Variants in ZEB1 observed in about 807,000 individuals in gnomAD.
ZEB1 encodes zinc finger E-box-binding homeobox 1.
ZEB1 carries 21 observed loss-of-function variants against 84.9 expected under a neutral mutation model. That is an observed-to-expected ratio of 0.25 (90% CI 0.18 to 0.36). ZEB1 has a LOEUF of 0.36. Ranked by LOEUF, ZEB1 falls within the 10% of genes least tolerant of loss-of-function variation. The pLI is 1.00. For missense variants in ZEB1, 1,104 were observed against 1,330.2 expected, an observed-to-expected ratio of 0.83 and a Z score of 2.65; for synonymous variants, 420 against 471.1, an observed-to-expected ratio of 0.89 and a Z score of 1.41.
chr10:31,385,151 T>A (rs985993393), intron 1 of ZEB1, among the ~76,000 whole-genome samples: 1 of 152,232 alleles, frequency 6.6e-6, no homozygotes, highest in African/African-American at 2.4e-5. Flanking sequence ...TGGAAAGGTT[T>A]TTATTGCCTG....
rs1174177311 is a variant in ZEB1, at chr10:31,493,965, A to T, written c.260-1811A>T. Among the ~76,000 whole-genome samples, 3 of 152,056 alleles carry T rather than the reference A, an allele frequency of 2.0e-5. No homozygotes were observed. The East Asian group carries it at 5.8e-4, about 29-fold the overall frequency. On this transcript the variant is annotated intron_variant, in intron 2 of 8. Coordinates refer to ENST00000424869, the MANE Select transcript of ZEB1 (RefSeq NM_001174096.2). ...TCAAATTGCAGTTCCTAAAATAGTTATAAGTAGAAAAATTAGCAGTGTCCA... is the reference window on the plus strand; with the variant it reads ...TCAAATTGCAGTTCCTAAAATAGTTTTAAGTAGAAAAATTAGCAGTGTCCA...
intron 1 of ZEB1, among the ~76,000 whole-genome samples, chr10:31,410,489 G>A (rs778844576): frequency 4.1e-4 from 63 of 152,176 alleles, no homozygotes; most frequent in Non-Finnish European, 8.2e-4. Context: ...TATCTACCAG[G>A]TTTTGGTATC....
intron 1 of ZEB1, among the ~76,000 whole-genome samples, chr10:31,369,369 A>T (rs952143387): frequency 6.6e-6 from 1 of 151,926 alleles, no homozygotes. Context: ...CCACCCTCCT[A>T]CCCTAGCCTC....
chr10:31,368,702 T>C (rs2045081698), intron 1 of ZEB1, among the ~76,000 whole-genome samples: 1 of 152,140 alleles, frequency 6.6e-6, no homozygotes, highest in Admixed American at 6.5e-5. Flanking sequence ...TAAATTTGGT[T>C]TTATATGCTA....
intron 4 of ZEB1, among the ~76,000 whole-genome samples, chr10:31,503,511 G>T (rs1338270355): frequency 1.3e-5 from 2 of 151,890 alleles, no homozygotes; most frequent in African/African-American, 4.8e-5. Flanking sequence ...CTTTGCTATT[G>T]TGAATAGTAC....
chr10:31,321,545 G>A lies in ZEB1; in HGVS notation c.58+2253G>A, dbSNP rs541139029. 80 of 1,613,994 alleles carry A rather than the reference G, an allele frequency of 5.0e-5. No individual in the cohort carries two copies. The South Asian group carries it at 6.7e-4, about 14-fold the overall frequency. ...GGCTTTATGAAAGGTAAGTTGGTTC[G>A]GAAAGAGCTGTTCGCTTTTTACCTT... On this transcript the variant is annotated intron_variant, in intron 1 of 8. Transcript: ENST00000424869.
chr10:31,510,620 G>C, intron 4 of ZEB1, 53 bp from the exon 5 acceptor site: 1 of 1,487,002 alleles, frequency 6.7e-7, no homozygotes, highest in Non-Finnish European at 9.3e-7. Context: ...TGGAAACTTT[G>C]GTAATATTTT....
At chr10:31,383,453 A>T (rs1681691377) in intron 1 of ZEB1, among the ~76,000 whole-genome samples, 1 of 152,234 alleles carries the variant, frequency 6.6e-6, no homozygotes, top group Admixed American at 6.5e-5. Flanking sequence ...TGCCATGATT[A>T]CAAGTATGTA....
At chr10:31,422,302 G>C (rs140731186) in intron 1 of ZEB1, among the ~76,000 whole-genome samples, 1 of 152,292 alleles carries the variant, frequency 6.6e-6, no homozygotes, top group East Asian at 1.9e-4. Context: ...AAGCTATGAA[G>C]TAGAAAGTAG....
At chr10:31,500,737 G>A (rs941398441) in intron 3 of ZEB1, among the ~76,000 whole-genome samples, 2 of 152,146 alleles carry the variant, frequency 1.3e-5, no homozygotes, top group Non-Finnish European at 2.9e-5. Flanking sequence ...GTATAAAGGA[G>A]AGCAGGGAGA....
chr10:31,333,810 T>G lies in ZEB1; in HGVS notation c.58+14518T>G, dbSNP rs529300307. 9.5e-4 allele frequency among the ~76,000 whole-genome samples: 144 copies of G among 152,190 alleles called. 2 individuals carry two copies. Among genetic ancestry groups the G allele is most frequent in the African/African-American group, 3.4e-3 (140 of 41,552 alleles). On this transcript the variant is annotated intron_variant, in intron 1 of 8. Transcript: ENST00000424869. ...TAACAAAATATATTTATATGCTGTT[T>G]ACAAGCAATACCTTAAAAAGCATAT...
intron 1 of ZEB1, among the ~76,000 whole-genome samples, chr10:31,367,069 C>T (rs889612008): frequency 6.6e-6 from 1 of 152,128 alleles, no homozygotes; most frequent in African/African-American, 2.4e-5. Flanking sequence ...GGACCTCTTA[C>T]TTATTTCTGT....
chr10:31,448,047 C>T (rs2060025414), intron 1 of ZEB1, among the ~76,000 whole-genome samples: 1 of 149,452 alleles, frequency 6.7e-6, no homozygotes, highest in African/African-American at 2.5e-5. Flanking sequence ...CTTTCAGGTA[C>T]ACCAATCAGA....
intron 1 of ZEB1, among the ~76,000 whole-genome samples, chr10:31,404,220 G>GT (rs144566817): frequency 0.074 from 10,926 of 147,834 alleles, 839 homozygotes; most frequent in African/African-American, 0.2. Flanking sequence ...TTCTGCAGCC[G>GT]TTTTTTTTTT....
intron 1 of ZEB1, among the ~76,000 whole-genome samples, chr10:31,460,303 T>G (rs2061671341): frequency 6.6e-6 from 1 of 152,098 alleles, no homozygotes. Context: ...TAGAAAAAGG[T>G]GCTCATTTGA....
intron 1 of ZEB1, among the ~76,000 whole-genome samples, chr10:31,428,214 C>G (rs567736626): frequency 1.6e-3 from 242 of 152,258 alleles, no homozygotes; most frequent in African/African-American, 5.6e-3. Context: ...CTATAAATCT[C>G]CCTCTTAACA....
chr10:31,497,884 G>A (rs1031872118), intron 3 of ZEB1, among the ~76,000 whole-genome samples: 5 of 151,570 alleles, frequency 3.3e-5, no homozygotes, highest in Admixed American at 2.6e-4. Context: ...GGAGGATAAA[G>A]ATAAGAGGAA....
chr10:31,392,797 A>G (rs990348863), intron 1 of ZEB1, among the ~76,000 whole-genome samples: 2 of 151,190 alleles, frequency 1.3e-5, no homozygotes, highest in African/African-American at 4.8e-5. Flanking sequence ...AAATATATTA[A>G]TATACTTTTA....
intron 3 of ZEB1, among the ~76,000 whole-genome samples, chr10:31,501,784 G>T (rs923956864): frequency 9.2e-5 from 14 of 151,866 alleles, no homozygotes; most frequent in Admixed American, 8.6e-4. Flanking sequence ...AATAAAATAC[G>T]GTTATAACAA....
Sources: allele counts gnomAD v4.1 joint callset (sites outside exome capture counted in the v4.1 genomes callset), GRCh38; gene constraint gnomAD v4.1.1; transcripts MANE v1.5; gene names NCBI Gene and HGNC (gene_info 2026-07-23, HGNC 2026-07-21).